MYO3B: variants seen among roughly 807,000 people sequenced by gnomAD.
MYO3B encodes myosin IIIB, also known as myosin-IIIb.
A neutral mutation model predicts 174.6 loss-of-function variants in MYO3B; 156 were observed. The ratio of observed to expected loss-of-function variants is 0.89; its 90% confidence interval spans 0.78 to 1.02. The LOEUF (loss-of-function observed/expected upper bound fraction) is 1.02. Ranked by LOEUF, MYO3B falls within the 50% of genes least tolerant of loss-of-function variation. The probability of loss-of-function intolerance (pLI) is 0.00; values close to 1 mark genes in which losing one functional copy is unlikely to be tolerated. For missense variants in MYO3B, 1,632 were observed against 1,639.4 expected (o/e 1.00, Z 0.08); for synonymous variants, 563 against 569.1 (o/e 0.99, Z 0.15).
intron 32 of MYO3B, among the ~76,000 whole-genome samples, chr2:170,636,613 T>G (rs1008851721): frequency 6.6e-6 from 1 of 152,044 alleles, no homozygotes; most frequent in Non-Finnish European, 1.5e-5. Flanking sequence ...GAGCTGGAAG[T>G]GGGAAGGTGC....
chr2:170,441,192 T>C (rs2164964), intron 22 of MYO3B, among the ~76,000 whole-genome samples: 12,056 of 152,312 alleles, frequency 0.079, 570 homozygotes, highest in Non-Finnish European at 0.1. Context: ...TTTAAGGTTT[T>C]CTACATATAA....
chr2:170,384,869 A>G (rs1344307527), intron 12 of MYO3B, among the ~76,000 whole-genome samples: 1 of 152,122 alleles, frequency 6.6e-6, no homozygotes, highest in African/African-American at 2.4e-5. Flanking sequence ...CCACAGATTA[A>G]GCGATTAGTG....
At chr2:170,452,520 C>A (rs1683656167) in intron 23 of MYO3B, among the ~76,000 whole-genome samples, 1 of 152,096 alleles carries the variant, frequency 6.6e-6, no homozygotes, top group Admixed American at 6.5e-5. Context: ...GCTTGGATAT[C>A]CATTTTAATT....
chr2:170,484,091 A>G (rs1158887658), intron 25 of MYO3B, among the ~76,000 whole-genome samples: 2 of 152,240 alleles, frequency 1.3e-5, no homozygotes, highest in Non-Finnish European at 2.9e-5. Flanking sequence ...AGGAGAAGAG[A>G]AAAATAGATT....
At chr2:170,510,725 C>T (rs1290650885) in intron 28 of MYO3B, among the ~76,000 whole-genome samples, 1 of 151,720 alleles carries the variant, frequency 6.6e-6, no homozygotes, top group Non-Finnish European at 1.5e-5. Flanking sequence ...TTGACATCCA[C>T]CCCCCTCACC....
At chr2:170,295,847 G>A (rs2093625593) in intron 7 of MYO3B, among the ~76,000 whole-genome samples, 1 of 152,048 alleles carries the variant, frequency 6.6e-6, no homozygotes, top group Admixed American at 6.6e-5. Flanking sequence ...TCCATGTTGA[G>A]AATTATTTTC....
chr2:170,372,555 G>A (rs1046941645), intron 9 of MYO3B, among the ~76,000 whole-genome samples: 1 of 152,130 alleles, frequency 6.6e-6, no homozygotes, highest in African/African-American at 2.4e-5. Context: ...TATGTGTCAG[G>A]CCCTATGCTG....
chr2:170,459,724 C>T (rs542464580), intron 23 of MYO3B, among the ~76,000 whole-genome samples: 4 of 152,320 alleles, frequency 2.6e-5, no homozygotes, highest in South Asian at 4.1e-4. Context: ...GCATGGGAAC[C>T]CACTGGGGGT....
chr2:170,373,565 A>C (rs1452312169), intron 9 of MYO3B, among the ~76,000 whole-genome samples: 1 of 152,206 alleles, frequency 6.6e-6, no homozygotes, highest in Non-Finnish European at 1.5e-5. Context: ...AGCAGGATGC[A>C]GGGAAGAATG....
chr2:170,405,367 T>A (rs1338670149), intron 20 of MYO3B, among the ~76,000 whole-genome samples, 178 bp from the exon 21 acceptor site: 1 of 152,192 alleles, frequency 6.6e-6, no homozygotes. Context: ...GCTACACAAC[T>A]AAGCAAGGAT....
At position 170,655,042 on chromosome 2, in the gene MYO3B, G is replaced by C. The variant is rs1699207127; in HGVS notation, c.*1921G>C. On this transcript the variant is annotated 3_prime_UTR_variant, in exon 35 of 35. Coordinates refer to ENST00000408978, the MANE Select transcript of MYO3B (RefSeq NM_138995.5). Reference sequence around the variant, plus strand: ...GTCTACTTTTGGTTTGATAATATGAGCTGCTTTTCAAATTGTTGAATGGAA... The same window carrying C: ...GTCTACTTTTGGTTTGATAATATGACCTGCTTTTCAAATTGTTGAATGGAA... The C allele has an allele frequency of 6.6e-6, 1 of 152,120 alleles. No homozygotes were observed. Among genetic ancestry groups the C allele is most frequent in the South Asian group, 2.1e-4 (1 of 4,824 alleles). The allele number at this position is 152,120 out of a possible 1,614,324, so 9.4% of individuals were successfully genotyped here. A position where few individuals can be genotyped will look rare whatever the true frequency, so the allele number is the denominator to read the frequency against.
At chr2:170,618,775 G>A (rs1019227504) in intron 32 of MYO3B, among the ~76,000 whole-genome samples, 3 of 152,066 alleles carry the variant, frequency 2.0e-5, no homozygotes, top group Admixed American at 2.0e-4. Context: ...AGGTGAGATG[G>A]TCACATGGGG....
intron 22 of MYO3B, among the ~76,000 whole-genome samples, chr2:170,443,407 G>A (rs1477602044): frequency 2.0e-5 from 3 of 152,110 alleles, no homozygotes; most frequent in South Asian, 4.2e-4. Context: ...TGTTAGATGG[G>A]TAGATTGTAA....
chr2:170,625,993 A>G (rs1286851625), intron 32 of MYO3B, among the ~76,000 whole-genome samples: 1 of 152,162 alleles, frequency 6.6e-6, no homozygotes, highest in Non-Finnish European at 1.5e-5. Context: ...CAATTTTGGA[A>G]TAGGTTTGGT....
chr2:170,265,714 A>C (rs2093378233), intron 7 of MYO3B, among the ~76,000 whole-genome samples: 1 of 152,236 alleles, frequency 6.6e-6, no homozygotes. Context: ...TTGTGGTCCT[A>C]CTGAGAGTCT....
At chr2:170,350,970 T>A (rs1379358080) in intron 8 of MYO3B, 2 of 143,948 alleles carry the variant, frequency 1.4e-5, no homozygotes, top group Non-Finnish European at 3.0e-5. Context: ...GCCACATATA[T>A]AAAGAAAAGG....
chr2:170,641,656 CAG>C (rs995309199), intron 32 of MYO3B, among the ~76,000 whole-genome samples: 24 of 152,202 alleles, frequency 1.6e-4, no homozygotes, highest in African/African-American at 5.8e-4. Context: ...CTCTGGAAGA[CAG>C]ATATCTCTGG....
At chr2:170,465,706 T>C (rs912990428) in intron 24 of MYO3B, among the ~76,000 whole-genome samples, 1 of 152,182 alleles carries the variant, frequency 6.6e-6, no homozygotes, top group Non-Finnish European at 1.5e-5. Context: ...CAGTTTGGTG[T>C]TCTCAAAATA....
chr2:170,419,031 A>C (rs2105849510), intron 22 of MYO3B, among the ~76,000 whole-genome samples: 1 of 152,324 alleles, frequency 6.6e-6, no homozygotes, highest in Middle Eastern at 3.4e-3. Context: ...AGAAGAAATC[A>C]AGTGCTACTG....
Sources: allele counts gnomAD v4.1 joint callset (sites outside exome capture counted in the v4.1 genomes callset), GRCh38; gene constraint gnomAD v4.1.1; transcripts MANE v1.5; gene names NCBI Gene and HGNC (gene_info 2026-07-23, HGNC 2026-07-21).